TMEM68: variants seen among roughly 807,000 people sequenced by gnomAD.
TMEM68 encodes transmembrane protein 68, also known as DGAT1/2-independent enzyme synthesizing storage lipids.
A neutral mutation model predicts 36.9 loss-of-function variants in TMEM68; 25 were observed. The ratio of observed to expected loss-of-function variants is 0.68; its 90% CI spans 0.49 to 0.95. The LOEUF (loss-of-function observed/expected upper bound fraction) is 0.95, where lower values mean the gene tolerates loss of function less well. Among genes scored for constraint, TMEM68 ranks in the 40% least tolerant of loss-of-function variants. TMEM68 has a pLI of 0.00. For synonymous variants in TMEM68, 131 were observed against 124.4 expected, an observed-to-expected ratio of 1.05 and a Z score of -0.35; for missense variants, 333 against 392.0, an observed-to-expected ratio of 0.85 and a Z score of 1.27.
rs1447926265 is a variant in TMEM68 at position 55,745,067 on chromosome 8, C to T, written c.742G>A (p.Gly248Arg). ...NIREGFRSLGGTRLFRWLYEK... is the reference protein window; with the variant it reads ...NIREGFRSLGRTRLFRWLYEK... ...CATACAAATCAGAACTTACTTGTTC[C>T]TCCAAGTGATCTAAATCCTTCTCGA... Residue 248 changes from glycine to arginine, a missense_variant, in exon 6 of 8, where the codon GGA (glycine) becomes AGA (arginine). Transcript: ENST00000434581. 5 of 1,493,238 alleles carry T rather than the reference C, an allele frequency of 3.3e-6. No individual in the cohort carries two copies. The East Asian group carries it at 1.3e-4, about 38-fold the overall frequency. 92.5% of individuals were successfully genotyped at this position (1,493,238 alleles called of 1,614,324 possible).
At chr8:55,743,021 C>T (rs1172047255) in intron 7 of TMEM68, among the ~76,000 whole-genome samples, 1 of 152,154 alleles carries the variant, frequency 6.6e-6, no homozygotes, top group Non-Finnish European at 1.5e-5. Flanking sequence ...GGCACTTCTT[C>T]GTTGGCCTTC....
intron 7 of TMEM68, among the ~76,000 whole-genome samples, chr8:55,741,868 G>C (rs1444173003): frequency 6.6e-6 from 1 of 151,852 alleles, no homozygotes. Flanking sequence ...TAGACTTTGA[G>C]TATATAAAGT....
chr8:55,762,444 G>A (rs1345010099), intron 3 of TMEM68, 191 bp downstream of exon 3: 16 of 1,140,330 alleles, frequency 1.4e-5, no homozygotes, highest in South Asian at 1.8e-5. Flanking sequence ...GGAAACCAAC[G>A]TCTATGGGAA....
chr8:55,755,933 A>C (rs1013550663), intron 4 of TMEM68, among the ~76,000 whole-genome samples: 1 of 151,782 alleles, frequency 6.6e-6, no homozygotes, highest in Non-Finnish European at 1.5e-5. Flanking sequence ...AAAAAGGAAA[A>C]TTTAAAATTA....
At chr8:55,752,624 A>G (rs1379620956) in intron 4 of TMEM68, among the ~76,000 whole-genome samples, 1 of 152,042 alleles carries the variant, frequency 6.6e-6, no homozygotes, top group Non-Finnish European at 1.5e-5. Context: ...GTCACCCCAC[A>G]TTATATTAAA....
chr8:55,772,158 AAGTAGGGC>A (rs1811194299), intron 1 of TMEM68, among the ~76,000 whole-genome samples: 1 of 152,178 alleles, frequency 6.6e-6, no homozygotes, highest in East Asian at 1.9e-4. Flanking sequence ...TCCGACCTCA[AAGTAGGGC>A]AGCAGTAAGG....
rs1810095800 is a variant in TMEM68, at chr8:55,741,311, T to A, written c.889-1093A>T. Among the ~76,000 whole-genome samples, 3 of 152,324 alleles carry A rather than the reference T, an allele frequency of 2.0e-5. No homozygotes were observed. The South Asian group carries it at 6.2e-4, about 32-fold the overall frequency. On this transcript the variant is annotated intron_variant, in intron 7 of 7. Coordinates refer to ENST00000434581, the MANE Select transcript of TMEM68 (RefSeq NM_001286657.2). ...AAATGAGAACTACTTCATACAGTTATAAGGATTAAATGAAACTGAAGGGAC... is the reference window on the plus strand; with the variant it reads ...AAATGAGAACTACTTCATACAGTTAAAAGGATTAAATGAAACTGAAGGGAC...
intron 3 of TMEM68, among the ~76,000 whole-genome samples, chr8:55,758,268 T>C (rs557424703): frequency 2.2e-4 from 33 of 152,328 alleles, no homozygotes; most frequent in African/African-American, 7.7e-4. Context: ...GTTCACTCAG[T>C]AGATTGAATC....
chr8:55,770,681 G>T (rs918954627), intron 1 of TMEM68, among the ~76,000 whole-genome samples: 18 of 152,024 alleles, frequency 1.2e-4, no homozygotes. Flanking sequence ...TGTCTCGGGG[G>T]CAGGGGGGAA....
At position 55,762,779 on chromosome 8, in the gene TMEM68, T is replaced by C. The variant is rs373172427; in HGVS notation, c.181A>G (p.Ile61Val). The part of the protein sequence containing the change: ...LILLILPYFT[I>V]FLLYLTIIFL... ...ATAATAGTAAGGTAGAGAAGAAAGA[T>C]AGTAAAGTAAGGAAGTATTAAAAGT... is the stretch of plus-strand genomic sequence containing the variant. Residue 61 changes from isoleucine to valine, a missense_variant, in exon 3 of 8, where the codon ATC (isoleucine) becomes GTC (valine). Coordinates refer to ENST00000434581, the MANE Select transcript of TMEM68 (RefSeq NM_001286657.2). The C allele has an allele frequency of 1.2e-5, 19 of 1,613,786 alleles. No individual in the cohort carries two copies. Among genetic ancestry groups the C allele is most frequent in the Admixed American group, 6.7e-5 (4 of 59,986 alleles).
At chr8:55,761,104 A>C (rs552158442) in intron 3 of TMEM68, 2 of 152,344 alleles carry the variant, frequency 1.3e-5, no homozygotes, top group East Asian at 3.9e-4. Flanking sequence ...TTTAAAAAAA[A>C]TAGTTTACTA....
chr8:55,739,992 G>A lies in TMEM68; in HGVS notation c.*140C>T, dbSNP rs974903509. The A allele has an allele frequency of 2.4e-5, 15 of 613,786 alleles. No individual in the cohort carries two copies. The highest frequency in any genetic ancestry group is 5.7e-5 in the African/African-American group (3 of 52,622). The allele number at this position is 613,786 out of a possible 1,614,324, so 38.0% of individuals were successfully genotyped here. The stretch of plus-strand genomic sequence containing the variant: ...ACAAAATTGACTATTTTAAAGAAAC[G>A]AATTCTGTGAAAGATGCTTATTAAC... On this transcript the variant is annotated 3_prime_UTR_variant, in exon 8 of 8. Transcript: ENST00000434581.
chr8:55,760,698 T>A (rs992838443), intron 3 of TMEM68: 1 of 152,228 alleles, frequency 6.6e-6, no homozygotes, highest in African/African-American at 2.4e-5. Context: ...GTTTATAAGG[T>A]CTTCACAAAA....
At chr8:55,771,081 G>A (rs1811141032) in intron 1 of TMEM68, among the ~76,000 whole-genome samples, 1 of 151,378 alleles carries the variant, frequency 6.6e-6, no homozygotes, top group Non-Finnish European at 1.5e-5. Flanking sequence ...TTGAACCCAG[G>A]AGGCGGAAGT....
At chr8:55,744,968 GATA>G (rs769289339) in intron 6 of TMEM68, 90 bp downstream of exon 6, 20 of 744,668 alleles carry the variant, frequency 2.7e-5, no homozygotes, top group Non-Finnish European at 3.6e-5. Flanking sequence ...ATTTTCTAAA[GATA>G]ATAATTCAAA....
At chr8:55,770,999 T>C (rs146120313) in intron 1 of TMEM68, among the ~76,000 whole-genome samples, 13 of 151,926 alleles carry the variant, frequency 8.6e-5, no homozygotes, top group Admixed American at 3.9e-4. Flanking sequence ...CTACAAAAAA[T>C]ACAAAATTAT....
At chr8:55,746,385 C>A (rs1379656416) in intron 5 of TMEM68, 1 of 138,166 alleles carries the variant, frequency 7.2e-6, no homozygotes, top group Non-Finnish European at 1.5e-5. Flanking sequence ...CTAATAAGTT[C>A]ATGATTTTTA....
chr8:55,759,678 T>G (rs1409118575), intron 3 of TMEM68, among the ~76,000 whole-genome samples: 1 of 152,218 alleles, frequency 6.6e-6, no homozygotes, highest in African/African-American at 2.4e-5. Flanking sequence ...CACTGTTATA[T>G]ATACACAGAT....
At chr8:55,752,492 C>G (rs1294811753) in intron 4 of TMEM68, among the ~76,000 whole-genome samples, 2 of 151,692 alleles carry the variant, frequency 1.3e-5, no homozygotes, top group Non-Finnish European at 2.9e-5. Flanking sequence ...GAGGCTGAGG[C>G]AGGGAGAATT....
Sources: gnomAD v4.1 joint callset for allele counts (sites outside exome capture counted in the v4.1 genomes callset) on GRCh38, gnomAD v4.1.1 for gene constraint, MANE v1.5 for transcripts, NCBI Gene and HGNC (gene_info 2026-07-23, HGNC 2026-07-21) for gene names.